The following NEK6 variants were observed in gnomAD, a reference collection of about 807,000 sequenced individuals.
NEK6 encodes NIMA related kinase 6, also known as serine/threonine-protein kinase Nek6.
NEK6 carries 27 observed loss-of-function variants against 43.5 expected under a neutral mutation model. The ratio of observed to expected loss-of-function variants is 0.62; its 90% CI spans 0.46 to 0.86. The LOEUF is 0.86. Among genes scored for constraint, NEK6 ranks in the 40% least tolerant of loss-of-function variants. The pLI is 0.00. For synonymous variants in NEK6, 167 were observed against 164.1 expected (o/e 1.02, Z -0.14); for missense variants, 318 against 414.4 (o/e 0.77, Z 2.02).
intron 3 of NEK6, among the ~76,000 whole-genome samples, chr9:124,313,316 G>T (rs751252807): frequency 4.6e-5 from 7 of 152,116 alleles, no homozygotes; most frequent in Non-Finnish European, 7.4e-5. Context: ...CAGCTTCAGG[G>T]CGCTGGAGGA....
rs759321372 is a variant in NEK6 at position 124,321,592 on chromosome 9, G to T, written c.405+23G>T. 2.7e-5 allele frequency: 40 copies of T among 1,455,990 alleles called. 1 individual carries two copies. In the South Asian group the frequency reaches 3.8e-4, roughly 14 times the overall value. The allele number at this position is 1,455,990 out of a possible 1,614,324, so 90.2% of individuals were successfully genotyped here. ...AAGGTGAGCGCCTGGCGGGGTGGGG[G>T]TGCTGGGGGCTGCGCAGATCTGGAG... On this transcript the variant is annotated intron_variant, in intron 5 of 9. Coordinates refer to ENST00000320246, the MANE Select transcript of NEK6 (RefSeq NM_014397.6).
At position 124,290,794 on chromosome 9, in the gene NEK6, T is replaced by A. The variant is rs552961589; in HGVS notation, c.-29-11142T>A. On this transcript the variant is annotated intron_variant, in intron 1 of 9. Coordinates refer to ENST00000320246, the MANE Select transcript of NEK6 (RefSeq NM_014397.6). ...GCTGGTCCTTCTGGGCCACCTCAGG[T>A]TTTCTACCTGTTGTCCAAAGCTCCC... Among the ~76,000 whole-genome samples the A allele has an allele frequency of 3.3e-5, 5 of 152,172 alleles. No individual in the cohort carries two copies. The South Asian group carries it at 1.0e-3, about 32-fold the overall frequency.
intron 1 of NEK6, among the ~76,000 whole-genome samples, chr9:124,266,897 T>C (rs1831252797): frequency 6.6e-6 from 1 of 152,168 alleles, no homozygotes; most frequent in Non-Finnish European, 1.5e-5. Context: ...GAAATGCTCA[T>C]CCTCGAATTA....
intron 1 of NEK6, among the ~76,000 whole-genome samples, chr9:124,260,256 A>G (rs146978862): frequency 8.7e-4 from 132 of 152,226 alleles, no homozygotes; most frequent in African/African-American, 2.8e-3. Flanking sequence ...TTTAGCACAC[A>G]TCCGTTCATT....
chr9:124,312,564 A>G lies in NEK6; in HGVS notation c.146A>G (p.Lys49Arg). 1 of 1,614,182 alleles carries G rather than the reference A, an allele frequency of 6.2e-7. No homozygotes were observed. Among genetic ancestry groups the G allele is most frequent in the African/African-American group, 1.3e-5 (1 of 75,070 alleles). ...RCSLADFQIE[K>R]KIGRGQFSEV... ...TCGCTGGCGGACTTCCAGATCGAAA[A>G]GAAGATAGGCCGAGGACAGTTCAGC... is the stretch of plus-strand genomic sequence containing the variant. Residue 49 changes from lysine to arginine, a missense_variant, in exon 3 of 10, where the codon AAG becomes AGG. Physicochemically the swap from Lys to Arg is conservative, Grantham distance 26. This residue lies in a region of NEK6 where 239 missense variants were observed against 344.4 expected (regional missense o/e 0.69). Coordinates refer to ENST00000320246, the MANE Select transcript of NEK6 (RefSeq NM_014397.6).
At chr9:124,342,214 C>T (rs1829668382) in intron 8 of NEK6, among the ~76,000 whole-genome samples, 1 of 152,234 alleles carries the variant, frequency 6.6e-6, no homozygotes, top group African/African-American at 2.4e-5. Flanking sequence ...GCAAACCCAC[C>T]TGTAAGTGGG....
chr9:124,263,701 CG>C (rs1203412645), intron 1 of NEK6, among the ~76,000 whole-genome samples: 1 of 152,172 alleles, frequency 6.6e-6, no homozygotes, highest in African/African-American at 2.4e-5. Context: ...AAGCAGGTGC[CG>C]GGGACCCCTC....
At chr9:124,347,895 AC>A in intron 9 of NEK6, 73 bp downstream of exon 9, 1 of 856,826 alleles carries the variant, frequency 1.2e-6, no homozygotes, top group Non-Finnish European at 1.9e-6. Context: ...GCTCCAAAAC[AC>A]CACAGCTGTG....
rs1419835511 is a variant in NEK6, at chr9:124,312,655, C to T, written c.231+6C>T. Reference sequence around the variant, plus strand: ...TGGCTCTGAAGAAGGTGCAGGTGAGCTGACAACCCGTGGGGTCAAACCTGC... The same window carrying T: ...TGGCTCTGAAGAAGGTGCAGGTGAGTTGACAACCCGTGGGGTCAAACCTGC... On this transcript the variant is annotated splice_donor_region_variant and intron_variant, in intron 3 of 9. Transcript: ENST00000320246. 2 of 1,610,354 alleles carry T rather than the reference C, an allele frequency of 1.2e-6. No homozygotes were observed. The highest frequency in any genetic ancestry group is 2.7e-5 in the African/African-American group (2 of 74,848).
chr9:124,342,701 GTCC>G (rs1217655239), intron 8 of NEK6, among the ~76,000 whole-genome samples: 1 of 152,254 alleles, frequency 6.6e-6, no homozygotes, highest in Non-Finnish European at 1.5e-5. Flanking sequence ...GCTCCACTTT[GTCC>G]TCCTTTCCTC....
chr9:124,304,457 C>T (rs1328454069), intron 2 of NEK6, among the ~76,000 whole-genome samples: 1 of 152,200 alleles, frequency 6.6e-6, no homozygotes, highest in Non-Finnish European at 1.5e-5. Context: ...CTCTCTGAGC[C>T]TCAGTTTCCT....
At position 124,258,423 on chromosome 9, in the gene NEK6, G is replaced by A. The variant is rs1000410206; in HGVS notation, c.-30+338G>A. ...TACCCACTTCCCGAGTGGGGACGAC[G>A]GGCGGAGGAGTGTGCCGGGCGCCGC... On this transcript the variant is annotated intron_variant, in intron 1 of 9. Transcript: ENST00000320246. The A allele has an allele frequency of 1.4e-5, 12 of 874,264 alleles. 1 individual carries two copies. The African/African-American group carries it at 2.2e-4, about 16-fold the overall frequency. The allele number at this position is 874,264 out of a possible 1,614,324, so 54.2% of individuals were successfully genotyped here. A position where few individuals can be genotyped will look rare whatever the true frequency, so the allele number is the denominator to read the frequency against.
At chr9:124,308,608 A>T (rs1463476463) in intron 2 of NEK6, among the ~76,000 whole-genome samples, 1 of 151,280 alleles carries the variant, frequency 6.6e-6, no homozygotes, top group Non-Finnish European at 1.5e-5. Context: ...ATGAGCCGAG[A>T]TCGCGCCACA....
chr9:124,342,976 C>T (rs891379101), intron 8 of NEK6, among the ~76,000 whole-genome samples: 1 of 152,170 alleles, frequency 6.6e-6, no homozygotes, highest in Non-Finnish European at 1.5e-5. Flanking sequence ...TTCCCAGCCC[C>T]GTTCCCTGCC....
intron 4 of NEK6, 24 bp from the exon 5 acceptor site, chr9:124,321,411 GTCCCGTCTTCACTTGGTGCCCCCT>G: frequency 1.5e-6 from 2 of 1,300,228 alleles, no homozygotes; most frequent in South Asian, 2.4e-5. Context: ...CACTGGGTCT[GTCCCGTCTTCACTTGGTGCCCCCT>G]TCCCTCTTTC....
intron 1 of NEK6, among the ~76,000 whole-genome samples, chr9:124,281,532 A>C: frequency 8.7e-6 from 1 of 114,662 alleles, no homozygotes; most frequent in East Asian, 2.5e-4. Flanking sequence ...GCAGAATCTC[A>C]CTCTGTCGCC....
intron 1 of NEK6, among the ~76,000 whole-genome samples, chr9:124,270,621 C>T (rs1831401257): frequency 6.6e-6 from 1 of 152,180 alleles, no homozygotes; most frequent in African/African-American, 2.4e-5. Flanking sequence ...TCCCTGGACA[C>T]AAGATACTTT....
chr9:124,291,993 C>T lies in NEK6; in HGVS notation c.-29-9943C>T, dbSNP rs375658959. ...CTGCACCCACCCCAGCCCAGAGAGG[C>T]GACCCAGCTCCCTGGAGGCCCAGGC... On this transcript the variant is annotated intron_variant, in intron 1 of 9. Coordinates refer to ENST00000320246, the MANE Select transcript of NEK6 (RefSeq NM_014397.6). The T allele has an allele frequency of 1.0e-4, 103 of 987,974 alleles. No individual in the cohort carries two copies. In the African/African-American group the frequency reaches 1.3e-3, roughly 13 times the overall value. 61.2% of individuals were successfully genotyped at this position (987,974 alleles called of 1,614,324 possible).
chr9:124,327,480 A>T (rs1349040692), intron 7 of NEK6, 35 bp downstream of exon 7: 10 of 1,545,122 alleles, frequency 6.5e-6, no homozygotes, highest in Non-Finnish European at 8.9e-6. Flanking sequence ...AGCAGCCCCC[A>T]GCGGTCCTGG....
Sources: allele counts gnomAD v4.1 joint callset (sites outside exome capture counted in the v4.1 genomes callset), GRCh38; gene constraint gnomAD v4.1.1; regional missense constraint gnomAD v4.1.1; transcripts MANE v1.5; gene names NCBI Gene and HGNC (gene_info 2026-07-23, HGNC 2026-07-21).